Variants in ZXDC observed in about 807,000 individuals in gnomAD.
ZXDC encodes the protein ZXD family zinc finger C.
Under a neutral mutation model 63.6 loss-of-function variants are expected in ZXDC, and 58 were observed. The ratio of observed to expected loss-of-function variants is 0.91; its 90% CI spans 0.74 to 1.13. ZXDC has a LOEUF of 1.13. Ranked by LOEUF, ZXDC falls within the 50% of genes most tolerant of loss-of-function variation. The pLI is 0.00. For synonymous variants in ZXDC, 561 were observed against 496.1 expected (o/e 1.13, Z -1.74); for missense variants, 1,133 against 1,148.9 (o/e 0.99, Z 0.20).
rs762655023 is a variant in ZXDC, at chr3:126,441,846, C to T, written c.2313G>A (p.Val771=). The T allele has an allele frequency of 5.0e-6, 8 of 1,613,776 alleles. No individual in the cohort carries two copies. In the Admixed American group the frequency reaches 1.3e-4, roughly 27 times the overall value. ...QNSWLCGSLV[V]PSGGRPGPAP... ...CTGGTCCTGGCCGTCCTCCGCTGGG[C>T]ACCACGAGGCTCCCACACAACCAAC... Residue 771 remains valine (V), a synonymous_variant, in exon 8 of 10, where the codon GTG becomes GTA. Transcript: ENST00000389709.
chr3:126,438,252 CA>C lies in ZXDC; in HGVS notation c.*122del. On this transcript the variant is annotated 3_prime_UTR_variant, in exon 10 of 10. Coordinates refer to ENST00000389709, the MANE Select transcript of ZXDC (RefSeq NM_025112.5). The stretch of plus-strand genomic sequence containing the variant: ...TTTTGATAAATGTACCCAAAAGTCT[CA>C]AAAGGGCTACGCTGGTCTTCTGAAC... The C allele has an allele frequency of 2.6e-6, 2 of 778,182 alleles. No individual in the cohort carries two copies. Among genetic ancestry groups the C allele is most frequent in the East Asian group, 2.7e-5 (1 of 37,148 alleles). The allele number at this position is 778,182 out of a possible 1,614,324, so 48.2% of individuals were successfully genotyped here.
chr3:126,466,143 GA>G lies in ZXDC; in HGVS notation c.1441+11del. ...GAAGCAGCTCCCCATGGGGGCCGTG[GA>G]AAGTGCAGACCTTGGCGCCGGCTGT... is the stretch of plus-strand genomic sequence containing the variant. On this transcript the variant is annotated intron_variant, in intron 5 of 9. Transcript: ENST00000389709. 1 of 1,603,566 alleles carries G rather than the reference GA, an allele frequency of 6.2e-7. No homozygotes were observed. The highest frequency in any genetic ancestry group is 8.5e-7 in the Non-Finnish European group (1 of 1,173,662).
At chr3:126,470,537 T>C (rs1255533141) in intron 4 of ZXDC, among the ~76,000 whole-genome samples, 1 of 152,222 alleles carries the variant, frequency 6.6e-6, no homozygotes, top group East Asian at 1.9e-4. Context: ...GGAGTGACAA[T>C]TCAAACGTGA....
chr3:126,442,817 T>C (rs1455938367), intron 7 of ZXDC: 2 of 152,124 alleles, frequency 1.3e-5, no homozygotes, highest in African/African-American at 4.8e-5. Context: ...AAAAAACAAC[T>C]GTACAATGAC....
chr3:126,439,946 T>C, intron 8 of ZXDC: 1 of 1,401,846 alleles, frequency 7.1e-7, no homozygotes, highest in Non-Finnish European at 9.2e-7. Context: ...TCCCAGCAGC[T>C]TTTGCTGGGC....
intron 7 of ZXDC, among the ~76,000 whole-genome samples, chr3:126,444,399 G>C (rs1187526222): frequency 6.6e-6 from 1 of 152,052 alleles, no homozygotes; most frequent in Non-Finnish European, 1.5e-5. Context: ...AGTGGTGGTG[G>C]CGGGTGCCTG....
chr3:126,472,066 A>T lies in ZXDC; in HGVS notation c.1061-15T>A, dbSNP rs972666428. The T allele has an allele frequency of 1.2e-6, 2 of 1,610,450 alleles. No homozygotes were observed. Among genetic ancestry groups the T allele is most frequent in the Admixed American group, 3.4e-5 (2 of 59,204 alleles). ...TGGTCTTTCACCTTATAAAAGAAAA[A>T]ATTATACAGCATAAAATTTACAACT... On this transcript the variant is annotated splice_polypyrimidine_tract_variant and intron_variant, in intron 2 of 9. Coordinates refer to ENST00000389709, the MANE Select transcript of ZXDC (RefSeq NM_025112.5).
intron 1 of ZXDC, among the ~76,000 whole-genome samples, chr3:126,474,446 C>T (rs1935102593): frequency 6.6e-6 from 1 of 152,152 alleles, no homozygotes; most frequent in Non-Finnish European, 1.5e-5. Context: ...TCACAGACGG[C>T]TAATTTTTAA....
intron 4 of ZXDC, among the ~76,000 whole-genome samples, chr3:126,467,751 A>G (rs1576688069): frequency 6.6e-6 from 1 of 152,084 alleles, no homozygotes. Flanking sequence ...CCTGCTCACC[A>G]TGGTACACAG....
At chr3:126,459,987 C>T in intron 6 of ZXDC, 1 of 985,484 alleles carries the variant, frequency 1.0e-6, no homozygotes, top group Non-Finnish European at 1.2e-6. Flanking sequence ...TAGTCTAAAA[C>T]ATAGCCAAAT....
intron 7 of ZXDC, chr3:126,452,510 C>T (rs553221718): frequency 3.9e-4 from 382 of 985,402 alleles, no homozygotes; most frequent in Non-Finnish European, 4.4e-4. Flanking sequence ...AACCTCCCAT[C>T]CATTTTGTAA....
rs1248468877 is a variant in ZXDC at position 126,475,268 on chromosome 3, C to T, written c.598G>A (p.Gly200Ser). Residue 200 changes from glycine to serine, a missense_variant, in exon 1 of 10, where the codon GGC becomes AGC. By Grantham distance (56) the Gly-to-Ser change is moderately conservative (BLOSUM62 0). Transcript: ENST00000389709. The part of the protein sequence containing the change: ...HQLKVHLLTH[G>S]GGQGRRPFKC... ...AAGGGCCGCCGGCCCTGACCGCCGC[C>T]GTGCGTGAGCAGGTGCACCTTGAGC... is the stretch of plus-strand genomic sequence containing the variant. The T allele has an allele frequency of 1.9e-6, 3 of 1,553,404 alleles. No individual in the cohort carries two copies. Among genetic ancestry groups the T allele is most frequent in the South Asian group, 1.2e-5 (1 of 84,362 alleles).
intron 7 of ZXDC, chr3:126,450,113 T>C (rs1934039553): frequency 2.9e-6 from 1 of 343,064 alleles, no homozygotes; most frequent in African/African-American, 2.2e-5. Context: ...CAGGCCCCTC[T>C]AGGAAGTGAT....
intron 7 of ZXDC, chr3:126,452,122 G>A (rs1844689): frequency 0.68 from 666,826 of 985,126 alleles, 227,365 homozygotes; most frequent in South Asian, 0.74. Context: ...GTCCCAGGTC[G>A]GTGCCCAGTG....
intron 8 of ZXDC, chr3:126,440,994 A>G: frequency 2.0e-6 from 2 of 985,576 alleles, no homozygotes; most frequent in Non-Finnish European, 2.4e-6. Flanking sequence ...GCCACAGGGA[A>G]TCTACAAAGT....
chr3:126,442,108 G>A lies in ZXDC; in HGVS notation c.2213-162C>T, dbSNP rs1933705957. ...TAACAGAAAAAATCAAGAGTTAAGAGGTTGAAACAAACAACCATACGAACA... is the reference window on the plus strand; with the variant it reads ...TAACAGAAAAAATCAAGAGTTAAGAAGTTGAAACAAACAACCATACGAACA... On this transcript the variant is annotated intron_variant, in intron 7 of 9. Coordinates refer to ENST00000389709, the MANE Select transcript of ZXDC (RefSeq NM_025112.5). 6 of 777,586 alleles carry A rather than the reference G, an allele frequency of 7.7e-6. No individual in the cohort carries two copies. The Admixed American group carries it at 1.2e-4, about 16-fold the overall frequency. 48.2% of individuals were successfully genotyped at this position (777,586 alleles called of 1,614,324 possible). A position where few individuals can be genotyped will look rare whatever the true frequency, so the allele number is the denominator to read the frequency against.
chr3:126,475,004 G>C lies in ZXDC; in HGVS notation c.862C>G (p.Arg288Gly). The change falls in exon 1 of 10, where the codon CGC becomes GGC. Residue 288 changes from arginine to glycine, a missense_variant. Transcript: ENST00000389709. ...GGGCGCTCGGGCTCGAAGTGGCTGCGCTGGTGGGAGCTGAGCTTGGCGTGC... is the reference window on the plus strand; with the variant it reads ...GGGCGCTCGGGCTCGAAGTGGCTGCCCTGGTGGGAGCTGAGCTTGGCGTGC... Reference protein sequence around the residue: ...PTHAKLSSHQRSHFEPERPYK... With the variant: ...PTHAKLSSHQGSHFEPERPYK... 6.3e-7 allele frequency: 1 copy of C among 1,595,214 alleles called. No homozygotes were observed. Among genetic ancestry groups the C allele is most frequent in the Non-Finnish European group, 8.5e-7 (1 of 1,171,698 alleles).
chr3:126,475,044 G>A lies in ZXDC; in HGVS notation c.822C>T (p.Ala274=), dbSNP rs373990345. ...QESLFKCEVC[A]ERFPTHAKLS... ...GCTTGGCGTGCGTGGGGAAGCGCTC[G>A]GCGCACACCTCGCACTTGAACAGGC... The change falls in exon 1 of 10, where the codon GCC becomes GCT. Residue 274 remains alanine (A), a synonymous_variant. Transcript: ENST00000389709. 113 of 1,601,216 alleles carry A rather than the reference G, an allele frequency of 7.1e-5. No individual in the cohort carries two copies. Among genetic ancestry groups the A allele is most frequent in the Non-Finnish European group, 9.5e-5 (111 of 1,174,218 alleles).
intron 7 of ZXDC, chr3:126,457,238 G>A (rs1211399637): frequency 5.1e-6 from 5 of 977,606 alleles, no homozygotes; most frequent in East Asian, 1.1e-4. Context: ...AATGCAGCAT[G>A]AGTATGCAGG....
Sources: allele counts gnomAD v4.1 joint callset (sites outside exome capture counted in the v4.1 genomes callset), GRCh38; gene constraint gnomAD v4.1.1; transcripts MANE v1.5; gene names NCBI Gene and HGNC (gene_info 2026-07-23, HGNC 2026-07-21).